Variants in GRK7 observed in about 807,000 individuals in gnomAD.
GRK7 encodes G protein-coupled receptor kinase 7.
A neutral mutation model predicts 34.1 loss-of-function variants in GRK7; 24 were observed. That is an observed-to-expected ratio of 0.70 (90% CI 0.51 to 0.99). The LOEUF is 0.99. GRK7 is among the 50% of genes least tolerant of loss of function. The pLI, the probability that GRK7 is intolerant of heterozygous loss-of-function variation, is 0.00. For synonymous variants in GRK7, 256 were observed against 279.4 expected (o/e 0.92, Z 0.84); for missense variants, 644 against 707.3 (o/e 0.91, Z 1.02).
At chr3:141,805,181 A>G (rs1299265165) in intron 4 of GRK7, among the ~76,000 whole-genome samples, 2 of 152,078 alleles carry the variant, frequency 1.3e-5, no homozygotes, top group East Asian at 1.9e-4. Flanking sequence ...TCCACACTCT[A>G]TTGAATCAAC....
chr3:141,792,581 A>C (rs2084729639), intron 4 of GRK7, among the ~76,000 whole-genome samples: 4 of 152,172 alleles, frequency 2.6e-5, no homozygotes, highest in Admixed American at 2.6e-4. Flanking sequence ...GAAGGAAAGG[A>C]ATTCACTCAG....
chr3:141,815,299 G>A (rs1711141277), intron 5 of GRK7, among the ~76,000 whole-genome samples: 1 of 151,798 alleles, frequency 6.6e-6, no homozygotes, highest in South Asian at 2.1e-4. Flanking sequence ...GTATGAGATG[G>A]TATCTCATTG....
the GRK7 span, among the ~76,000 whole-genome samples, chr3:141,754,792 G>A: frequency 6.6e-6 from 1 of 152,176 alleles, no homozygotes; most frequent in Non-Finnish European, 1.5e-5. Context: ...TACTTGGGTA[G>A]TTGCTGCTAC....
intron 1 of GRK7, among the ~76,000 whole-genome samples, chr3:141,768,116 T>C (rs547700266): frequency 6.6e-6 from 1 of 152,284 alleles, no homozygotes; most frequent in Non-Finnish European, 1.5e-5. Flanking sequence ...AACCACACTG[T>C]GTCACGGTTA....
the GRK7 span, among the ~76,000 whole-genome samples, chr3:141,756,762 T>A: frequency 6.6e-6 from 1 of 152,198 alleles, no homozygotes; most frequent in Non-Finnish European, 1.5e-5. Flanking sequence ...AGAAAATGCA[T>A]TAATGGTGTT....
At chr3:141,789,656 C>CAAAAA (rs60765509) in intron 4 of GRK7, among the ~76,000 whole-genome samples, 2,124 of 119,128 alleles carry the variant, frequency 0.018, 46 homozygotes, top group Non-Finnish European at 0.025. Flanking sequence ...GCCAAATGGG[C>CAAAAA]AAAAAAAAAA....
intron 5 of GRK7, among the ~76,000 whole-genome samples, chr3:141,815,132 C>T (rs57007323): frequency 0.032 from 4,916 of 151,946 alleles, 269 homozygotes; most frequent in African/African-American, 0.11. Context: ...ACCATGTTGC[C>T]CAGGCTGGTC....
At chr3:141,782,541 G>C (rs541322175) in intron 4 of GRK7, among the ~76,000 whole-genome samples, 3 of 152,160 alleles carry the variant, frequency 2.0e-5, no homozygotes, top group African/African-American at 7.2e-5. Context: ...TAGACGTGGG[G>C]ATTTGGAGTT....
intron 4 of GRK7, among the ~76,000 whole-genome samples, chr3:141,789,226 A>G (rs2084711251): frequency 6.6e-6 from 1 of 152,146 alleles, no homozygotes; most frequent in Non-Finnish European, 1.5e-5. Context: ...ACTTCAGAAA[A>G]ATGAAATTAA....
chr3:141,809,692 TG>T (rs2107895027), intron 5 of GRK7, among the ~76,000 whole-genome samples: 1 of 152,194 alleles, frequency 6.6e-6, no homozygotes, highest in South Asian at 2.1e-4. Flanking sequence ...AGCAAGACCC[TG>T]TCTCTAAAAA....
the GRK7 span, among the ~76,000 whole-genome samples, chr3:141,756,448 A>T: frequency 1.3e-5 from 2 of 152,228 alleles, no homozygotes; most frequent in African/African-American, 4.8e-5. Context: ...TTCTGCTGTC[A>T]TGAAGTTTGA....
the GRK7 span, among the ~76,000 whole-genome samples, chr3:141,755,866 C>T: frequency 4.5e-4 from 69 of 152,172 alleles, no homozygotes; most frequent in African/African-American, 1.4e-3. Context: ...AATATGCATC[C>T]ACACAAAGAC....
At chr3:141,789,760 G>A (rs1426289247) in intron 4 of GRK7, among the ~76,000 whole-genome samples, 1 of 151,778 alleles carries the variant, frequency 6.6e-6, no homozygotes, top group Non-Finnish European at 1.5e-5. Context: ...ACGGGATGAT[G>A]AGACCTAAGA....
intron 4 of GRK7, among the ~76,000 whole-genome samples, chr3:141,805,825 G>A (rs941983033): frequency 2.0e-5 from 3 of 152,172 alleles, no homozygotes; most frequent in Admixed American, 6.5e-5. Flanking sequence ...TAGAGACGGG[G>A]TCTCACAAAG....
At chr3:141,781,347 G>A (rs929251719) in intron 4 of GRK7, among the ~76,000 whole-genome samples, 13 of 152,036 alleles carry the variant, frequency 8.6e-5, no homozygotes, top group African/African-American at 3.1e-4. Context: ...GACCAGCCTG[G>A]CCAACATGGT....
intron 4 of GRK7, among the ~76,000 whole-genome samples, chr3:141,782,750 A>C (rs1273464109): frequency 1.3e-5 from 2 of 151,766 alleles, no homozygotes; most frequent in African/African-American, 4.8e-5. Flanking sequence ...GCTTGCAGTG[A>C]GCTGAGATCA....
chr3:141,782,206 G>C (rs2084675110), intron 4 of GRK7, among the ~76,000 whole-genome samples: 1 of 152,142 alleles, frequency 6.6e-6, no homozygotes, highest in South Asian at 2.1e-4. Flanking sequence ...TGGTAGGTGG[G>C]GACATCAGTT....
In GRK7 at chr3:141,813,975, C is replaced by G. The variant is rs1711121553; in HGVS notation, c.1326-2739C>G. On this transcript the variant is annotated intron_variant, in intron 5 of 5. Coordinates refer to ENST00000682958, the MANE Select transcript of GRK7 (RefSeq NM_139209.3). The stretch of plus-strand genomic sequence containing the variant: ...TGAATAAATGTCAGTTATCCTCATT[C>G]TTGTTATTAGTTGTGCCATTATTGG... Among the ~76,000 whole-genome samples, 3 of 152,188 alleles carry G rather than the reference C, an allele frequency of 2.0e-5. No homozygotes were observed. The South Asian group carries it at 6.2e-4, about 32-fold the overall frequency.
chr3:141,776,313 ATAT>A lies in GRK7; in HGVS notation c.-114+1634_-114+1636del, dbSNP rs1559839569. ...AAATAAAAATTAAAAAAAATAAAAA[ATAT>A]ATATAAATATGTATATATCTGTGAT... On this transcript the variant is annotated intron_variant, in intron 2 of 5. Transcript: ENST00000682958. Among the ~76,000 whole-genome samples the A allele has an allele frequency of 4.1e-3, 629 of 151,896 alleles. 9 individuals carry two copies. The highest frequency in any genetic ancestry group is 0.015 in the African/African-American group (605 of 41,496).
Sources: gnomAD v4.1 joint callset for allele counts (sites outside exome capture counted in the v4.1 genomes callset) on GRCh38, gnomAD v4.1.1 for gene constraint, MANE v1.5 for transcripts, NCBI Gene and HGNC (gene_info 2026-07-23, HGNC 2026-07-21) for gene names.